INPP5D: variants seen among roughly 807,000 people sequenced by gnomAD.
INPP5D encodes phosphatidylinositol 3,4,5-trisphosphate 5-phosphatase 1.
Under a neutral mutation model 122.9 loss-of-function variants are expected in INPP5D, and 33 were observed. That is an observed-to-expected ratio of 0.27 (90% CI 0.20 to 0.36). The LOEUF (loss-of-function observed/expected upper bound fraction) is 0.36, where lower values mean the gene tolerates loss of function less well. Among genes scored for constraint, INPP5D ranks in the 10% least tolerant of loss-of-function variants. INPP5D has a pLI of 1.00. For synonymous variants in INPP5D, 584 were observed against 576.2 expected, an observed-to-expected ratio of 1.01 and a Z score of -0.19; for missense variants, 1,053 against 1,412.7, an observed-to-expected ratio of 0.75 and a Z score of 4.08.
intron 6 of INPP5D, chr2:233,141,734 A>C (rs1693635460): frequency 6.6e-6 from 1 of 152,240 alleles, no homozygotes. Flanking sequence ...GATGATATAG[A>C]AACTCTGATG....
chr2:233,184,328 T>C (rs1694855152), intron 19 of INPP5D, 80 bp from the exon 20 acceptor site: 10 of 1,540,618 alleles, frequency 6.5e-6, no homozygotes, highest in Non-Finnish European at 8.8e-6. Context: ...AGGAGCTCAG[T>C]ATGTGGCATG....
intron 6 of INPP5D, among the ~76,000 whole-genome samples, chr2:233,143,916 G>A (rs1203376724): frequency 6.6e-6 from 1 of 151,666 alleles, no homozygotes; most frequent in Non-Finnish European, 1.5e-5. Context: ...TCATGGTCAG[G>A]GTAGGAATGG....
At position 233,105,365 on chromosome 2, in the gene INPP5D, C is replaced by T. The variant is rs1692436900; in HGVS notation, c.199-16742C>T. Among the ~76,000 whole-genome samples, 1 of 152,214 alleles carries T rather than the reference C, an allele frequency of 6.6e-6. No individual in the cohort carries two copies. The highest frequency in any genetic ancestry group is 1.5e-5 in the Non-Finnish European group (1 of 68,044). On this transcript the variant is annotated intron_variant, in intron 2 of 26. Transcript: ENST00000445964. The surrounding 1 kb of genome is among the most constrained non-coding windows in gnomAD (Gnocchi z 4.0). ...GGGTGCTCCCTGTCTCTTTGCCCCA[C>T]CACCTCCTATTCACCTGAAGTAGGA... is the stretch of plus-strand genomic sequence containing the variant.
intron 1 of INPP5D, among the ~76,000 whole-genome samples, chr2:233,067,971 C>T (rs987342093): frequency 2.6e-5 from 4 of 152,128 alleles, no homozygotes; most frequent in African/African-American, 2.4e-5. Flanking sequence ...TAAGCACCCA[C>T]CGAATGCTTT....
At chr2:233,179,089 C>T (rs931980346) in intron 18 of INPP5D, among the ~76,000 whole-genome samples, 1 of 152,222 alleles carries the variant, frequency 6.6e-6, no homozygotes, top group Admixed American at 6.5e-5. Flanking sequence ...AGCTCTGTCT[C>T]CCAGAAGTGA....
At chr2:233,199,003 A>C (rs1369244623) in intron 25 of INPP5D, among the ~76,000 whole-genome samples, 1 of 151,268 alleles carries the variant, frequency 6.6e-6, no homozygotes, top group East Asian at 2.0e-4. Flanking sequence ...TAATCCCAGC[A>C]CTTTGGGAGG....
At chr2:233,060,682 A>T in intron 1 of INPP5D, 70 bp downstream of exon 1, 1 of 1,586,636 alleles carries the variant, frequency 6.3e-7, no homozygotes, top group Non-Finnish European at 8.6e-7. Context: ...CAGCTTTGAG[A>T]TGGGTTGTTC....
chr2:233,166,007 A>G (rs1293394927), intron 13 of INPP5D, among the ~76,000 whole-genome samples: 1 of 152,030 alleles, frequency 6.6e-6, no homozygotes, highest in Non-Finnish European at 1.5e-5. Context: ...AAATAGAAGA[A>G]TTGCTGCAAT....
chr2:233,141,287 C>G (rs907074140), intron 6 of INPP5D: 1 of 152,192 alleles, frequency 6.6e-6, no homozygotes, highest in Non-Finnish European at 1.5e-5. Flanking sequence ...CATAAACAGG[C>G]CAGGCGTGGT....
At chr2:233,065,905 A>T (rs953740256) in intron 1 of INPP5D, among the ~76,000 whole-genome samples, 4 of 151,684 alleles carry the variant, frequency 2.6e-5, no homozygotes, top group Admixed American at 2.6e-4. Flanking sequence ...TCGGCCTCCC[A>T]AAGTGCTGGG....
chr2:233,071,127 AT>A (rs1450774487), intron 1 of INPP5D, among the ~76,000 whole-genome samples: 2 of 151,914 alleles, frequency 1.3e-5, no homozygotes, highest in African/African-American at 2.4e-5. Flanking sequence ...TACAAAAAAA[AT>A]AAAAATAAAA....
intron 2 of INPP5D, among the ~76,000 whole-genome samples, chr2:233,097,538 T>TTAA (rs1460743262): frequency 6.6e-6 from 1 of 152,240 alleles, no homozygotes; most frequent in African/African-American, 2.4e-5. Flanking sequence ...TTCTTAAACC[T>TTAA]GCTCTGTTAC....
intron 2 of INPP5D, among the ~76,000 whole-genome samples, chr2:233,086,414 G>C (rs573445757): frequency 2.0e-5 from 3 of 152,062 alleles, no homozygotes; most frequent in East Asian, 3.9e-4. Context: ...CCTGACCTCA[G>C]GTAATCTGCT....
At chr2:233,147,632 C>A (rs1298899769) in intron 9 of INPP5D, 38 bp downstream of exon 9, 2 of 698,970 alleles carry the variant, frequency 2.9e-6, no homozygotes, top group Non-Finnish European at 5.3e-6. Context: ...TGCCCCTCAC[C>A]TGCCTGTGGA....
In INPP5D at chr2:233,163,964, G is replaced by A. The variant is rs1694258964; in HGVS notation, c.1437+61G>A. 39 of 1,578,250 alleles carry A rather than the reference G, an allele frequency of 2.5e-5. No individual in the cohort carries two copies. In the South Asian group the frequency reaches 4.2e-4, roughly 17 times the overall value. On this transcript the variant is annotated intron_variant, in intron 12 of 26. Coordinates refer to ENST00000445964, the MANE Select transcript of INPP5D (RefSeq NM_001017915.3). Reference sequence around the variant, plus strand: ...GATAGAATCTTTGCTCGGCTGGGCTGTCTCAGAGGCAAGGGTGGGCTCAGC... The same window carrying A: ...GATAGAATCTTTGCTCGGCTGGGCTATCTCAGAGGCAAGGGTGGGCTCAGC...
At position 233,078,452 on chromosome 2, in the gene INPP5D, C is replaced by T. The variant is rs1190413424; in HGVS notation, c.135-883C>T. Among the ~76,000 whole-genome samples, 1 of 152,206 alleles carries T rather than the reference C, an allele frequency of 6.6e-6. No homozygotes were observed. The highest frequency in any genetic ancestry group is 1.5e-5 in the Non-Finnish European group (1 of 68,042). On this transcript the variant is annotated intron_variant, in intron 1 of 26. Coordinates refer to ENST00000445964, the MANE Select transcript of INPP5D (RefSeq NM_001017915.3). The surrounding 1 kb of genome is among the most constrained non-coding windows in gnomAD (Gnocchi z 4.6). ...GGGGCAAATCCAGGTCTCGGCAAGG[C>T]TGGTGGCCAACCCCTGGGAGATAAT...
At chr2:233,161,625 G>A (rs760707160) in intron 10 of INPP5D, 99 bp from the exon 11 acceptor site, 217 of 1,422,642 alleles carry the variant, frequency 1.5e-4, no homozygotes, top group Middle Eastern at 1.5e-3. Context: ...ACTGATTTAC[G>A]CTCCTCTCAG....
intron 1 of INPP5D, among the ~76,000 whole-genome samples, chr2:233,075,764 T>C (rs1691504354): frequency 6.6e-6 from 1 of 152,026 alleles, no homozygotes; most frequent in Non-Finnish European, 1.5e-5. Flanking sequence ...GCGGGGCTGA[T>C]GGGGTGTGTG....
At chr2:233,147,354 C>T in intron 8 of INPP5D, 117 bp from the exon 9 acceptor site, 1 of 635,480 alleles carries the variant, frequency 1.6e-6, no homozygotes, top group African/African-American at 1.8e-5. Flanking sequence ...CCCAGTGGCC[C>T]CACGAAGGAC....
Sources: gnomAD v4.1 joint callset for allele counts (sites outside exome capture counted in the v4.1 genomes callset) on GRCh38, gnomAD v4.1.1 for gene constraint, Gnocchi (gnomAD v3.1) non-coding constraint, MANE v1.5 for transcripts, NCBI Gene and HGNC (gene_info 2026-07-23, HGNC 2026-07-21) for gene names.